OXR1: variants seen among roughly 807,000 people sequenced by gnomAD.
OXR1 encodes oxidation resistance protein 1.
In OXR1, 41 loss-of-function variants were observed where a neutral mutation model predicts 104.6. That is an observed-to-expected ratio of 0.39 (90% CI 0.31 to 0.51). The LOEUF (loss-of-function observed/expected upper bound fraction) is 0.51, where lower values mean the gene tolerates loss of function less well. OXR1 is among the 20% of genes least tolerant of loss of function. The pLI is 0.77. For synonymous variants in OXR1, 348 were observed against 348.4 expected (o/e 1.00, Z 0.01); for missense variants, 955 against 1,031.9 (o/e 0.93, Z 1.02).
chr8:106,544,879 G>T (rs1159655469), intron 3 of OXR1, among the ~76,000 whole-genome samples: 1 of 151,990 alleles, frequency 6.6e-6, no homozygotes, highest in Non-Finnish European at 1.5e-5. Context: ...ATCCGGATTT[G>T]GATTAGCTTA....
intron 3 of OXR1, among the ~76,000 whole-genome samples, chr8:106,576,270 G>A (rs1817823952): frequency 6.6e-6 from 1 of 151,352 alleles, no homozygotes; most frequent in South Asian, 2.1e-4. Context: ...CTGTTCTTAG[G>A]AACAGTAAGA....
intron 1 of OXR1, among the ~76,000 whole-genome samples, chr8:106,291,760 G>A (rs1332083803): frequency 6.6e-6 from 1 of 152,144 alleles, no homozygotes; most frequent in Non-Finnish European, 1.5e-5. Flanking sequence ...ACATGGCTGG[G>A]GAGGGCTCAC....
intron 12 of OXR1, among the ~76,000 whole-genome samples, chr8:106,738,393 T>C (rs1834599133): frequency 6.6e-6 from 1 of 152,026 alleles, no homozygotes; most frequent in South Asian, 2.1e-4. Context: ...TAGCTTCTTG[T>C]CAAAAAACAA....
intron 3 of OXR1, among the ~76,000 whole-genome samples, chr8:106,606,288 C>CTGTATTTA (rs1820383356): frequency 6.9e-6 from 1 of 145,894 alleles, no homozygotes; most frequent in Non-Finnish European, 1.5e-5. Flanking sequence ...CTATGATACT[C>CTGTATTTA]TTTATTTATT....
At chr8:106,465,498 G>T (rs1362011606) in intron 2 of OXR1, among the ~76,000 whole-genome samples, 2 of 151,966 alleles carry the variant, frequency 1.3e-5, no homozygotes, top group Non-Finnish European at 2.9e-5. Flanking sequence ...GATCATTTTA[G>T]ATGCAGTTTT....
chr8:106,398,995 C>G (rs1012349275), intron 2 of OXR1, among the ~76,000 whole-genome samples: 1 of 152,092 alleles, frequency 6.6e-6, no homozygotes, highest in Non-Finnish European at 1.5e-5. Context: ...GTCATCTCAA[C>G]CAAATTGGAA....
At chr8:106,720,566 A>G (rs937249594) in intron 11 of OXR1, 11 of 193,452 alleles carry the variant, frequency 5.7e-5, no homozygotes, top group Non-Finnish European at 1.0e-4. Context: ...TCACTATGGA[A>G]AAAGGTTTGT....
chr8:106,567,218 T>A (rs1048989474), intron 3 of OXR1, among the ~76,000 whole-genome samples: 4 of 152,152 alleles, frequency 2.6e-5, no homozygotes, highest in Admixed American at 2.0e-4. Context: ...AGAGAAGAAC[T>A]TTTTCTTTTA....
intron 7 of OXR1, among the ~76,000 whole-genome samples, chr8:106,699,074 G>C (rs1177273109): frequency 6.6e-6 from 1 of 152,040 alleles, no homozygotes; most frequent in African/African-American, 2.4e-5. Flanking sequence ...CATAAGTTTT[G>C]TTAGGACCAG....
chr8:106,299,960 G>A (rs1813161812), intron 1 of OXR1, among the ~76,000 whole-genome samples: 1 of 152,108 alleles, frequency 6.6e-6, no homozygotes, highest in Non-Finnish European at 1.5e-5. Context: ...AAGATTGATG[G>A]GATTTTGTCA....
At chr8:106,318,298 TA>T (rs1441992918) in intron 1 of OXR1, among the ~76,000 whole-genome samples, 2 of 152,244 alleles carry the variant, frequency 1.3e-5, no homozygotes, top group East Asian at 3.8e-4. Flanking sequence ...ATATGCTTTT[TA>T]AAAGCTATGT....
intron 3 of OXR1, among the ~76,000 whole-genome samples, chr8:106,672,209 G>A (rs1387094154): frequency 6.6e-6 from 1 of 151,914 alleles, no homozygotes; most frequent in Non-Finnish European, 1.5e-5. Flanking sequence ...TGGGCACAGT[G>A]GCTCATGCCT....
At chr8:106,409,907 G>A (rs1304658857) in intron 2 of OXR1, among the ~76,000 whole-genome samples, 1 of 152,026 alleles carries the variant, frequency 6.6e-6, no homozygotes, top group Non-Finnish European at 1.5e-5. Context: ...TATATGACAA[G>A]GCCTAATGCC....
intron 2 of OXR1, among the ~76,000 whole-genome samples, chr8:106,383,660 A>G (rs1817252775): frequency 6.6e-6 from 1 of 152,244 alleles, no homozygotes; most frequent in Non-Finnish European, 1.5e-5. Context: ...CTGAAACTCC[A>G]GCTTCACATA....
In OXR1 at chr8:106,707,056, A is replaced by T. The variant is rs1251364610; in HGVS notation, c.1535A>T (p.Gln512Leu). 2 of 1,613,876 alleles carry T rather than the reference A, an allele frequency of 1.2e-6. No homozygotes were observed. The highest frequency in any genetic ancestry group is 1.7e-6 in the Non-Finnish European group (2 of 1,179,942). Residue 512 changes from glutamine (Q) to leucine (L), a missense_variant, in exon 9 of 17, where the codon CAA (glutamine) becomes CTA (leucine). Transcript: ENST00000517566. ...LRKLWKTHTM[Q>L]QTKQQRENIQ... ...AAACTTTGGAAAACCCATACTATGC[A>T]ACAAACTAAACAGCAAAGGGAAAAT... is the stretch of plus-strand genomic sequence containing the variant.
intron 11 of OXR1, among the ~76,000 whole-genome samples, chr8:106,737,147 C>T (rs1224272499): frequency 6.6e-6 from 1 of 152,128 alleles, no homozygotes; most frequent in Non-Finnish European, 1.5e-5. Context: ...GTTGAAACTA[C>T]CACTTCCTTT....
At chr8:106,499,402 T>C (rs954883331) in intron 2 of OXR1, among the ~76,000 whole-genome samples, 3 of 152,022 alleles carry the variant, frequency 2.0e-5, no homozygotes, top group African/African-American at 7.2e-5. Context: ...ATACGTTTCA[T>C]GTAAAATATC....
rs114001341 is a variant in OXR1 at position 106,505,179 on chromosome 8, T to A, written c.24-13764T>A. On this transcript the variant is annotated intron_variant, in intron 2 of 16. Coordinates refer to ENST00000517566, the MANE Select transcript of OXR1 (RefSeq NM_001198533.2). ...ATGACAGTAATTTCTTGCGAAAGAT[T>A]TGGGACATTGTGACTGAGCCAAACT... is the stretch of plus-strand genomic sequence containing the variant. Among the ~76,000 whole-genome samples, 1,328 of 152,260 alleles carry A rather than the reference T, an allele frequency of 8.7e-3. 18 individuals carry two copies. Among genetic ancestry groups the A allele is most frequent in the African/African-American group, 0.031 (1,268 of 41,546 alleles).
intron 3 of OXR1, among the ~76,000 whole-genome samples, chr8:106,570,107 C>T (rs1259329880): frequency 1.3e-5 from 2 of 152,144 alleles, no homozygotes; most frequent in Non-Finnish European, 2.9e-5. Context: ...TTTTATCATC[C>T]ACTCTTAATG....
Sources: allele counts gnomAD v4.1 joint callset (sites outside exome capture counted in the v4.1 genomes callset), GRCh38; gene constraint gnomAD v4.1.1; transcripts MANE v1.5; gene names NCBI Gene and HGNC (gene_info 2026-07-23, HGNC 2026-07-21).